MYO7B: variants seen among roughly 807,000 people sequenced by gnomAD.
The protein encoded by MYO7B is unconventional myosin-VIIb.
A neutral mutation model predicts 259.7 loss-of-function variants in MYO7B; 212 were observed. The observed-to-expected ratio is 0.82, with a 90% confidence interval of 0.73 to 0.91. MYO7B has a LOEUF of 0.91. Among genes scored for constraint, MYO7B ranks in the 40% least tolerant of loss-of-function variants. The probability of loss-of-function intolerance (pLI) is 0.00; values close to 1 mark genes in which losing one functional copy is unlikely to be tolerated. For synonymous variants in MYO7B, 1,197 were observed against 1,166.4 expected, an observed-to-expected ratio of 1.03 and a Z score of -0.54; for missense variants, 2,732 against 2,813.5, an observed-to-expected ratio of 0.97 and a Z score of 0.66.
In MYO7B at chr2:127,631,045, G is replaced by A. The variant is rs1485119517; in HGVS notation, c.4937+137G>A. 4.4e-6 allele frequency: 6 copies of A among 1,376,666 alleles called. No homozygotes were observed. The African/African-American group carries it at 8.7e-5, about 20-fold the overall frequency. 85.3% of individuals were successfully genotyped at this position (1,376,666 alleles called of 1,614,324 possible). ...TGCAGAGAGGCCACGCCACCCATGT[G>A]GAGCCTGCCTGGCCTTCCCAGGCCA... On this transcript the variant is annotated intron_variant, in intron 36 of 47. Transcript: ENST00000409816.
chr2:127,588,702 T>C, intron 15 of MYO7B, 147 bp downstream of exon 15: 1 of 956,006 alleles, frequency 1.0e-6, no homozygotes, highest in East Asian at 2.7e-5. Flanking sequence ...GATGGATGGG[T>C]GAATGGATGG....
At position 127,631,828 on chromosome 2, in the gene MYO7B, C is replaced by G. The variant is rs139268124; in HGVS notation, c.5249+75C>G. ...CGGCCCCTGAGGCCAGACCGAGGCT[C>G]AGAGAGGACACCGCAGCTGGTGGCG... On this transcript the variant is annotated intron_variant, in intron 38 of 47. Transcript: ENST00000409816. The G allele has an allele frequency of 5.0e-3, 7,701 of 1,544,588 alleles. 38 individuals are homozygous for G. Among genetic ancestry groups the G allele is most frequent in the Middle Eastern group, 0.022 (102 of 4,578 alleles).
chr2:127,538,106 G>A (rs915165364), intron 1 of MYO7B, among the ~76,000 whole-genome samples: 7 of 152,138 alleles, frequency 4.6e-5, no homozygotes, highest in African/African-American at 1.7e-4. Flanking sequence ...GTAGGGGTGG[G>A]AAGGGATGCA....
chr2:127,636,769 G>GGCCCCCCC lies in MYO7B; in HGVS notation c.6208-25_6208-24insGCCCCCCC. 1.2e-6 allele frequency: 2 copies of GGCCCCCCC among 1,608,810 alleles called. No homozygotes were observed. Among genetic ancestry groups the GGCCCCCCC allele is most frequent in the Non-Finnish European group, 1.7e-6 (2 of 1,176,310 alleles). ...AGAGCCCGTGCTCTGGAGGCGTCCG[G>GGCCCCCCC]CCCACCCACCCTCTCTGCCCCCAGG... On this transcript the variant is annotated intron_variant, in intron 46 of 47. Transcript: ENST00000409816. This position sits in a 1 kb window ranked among gnomAD's most constrained non-coding sequence, Gnocchi z 4.5.
At chr2:127,565,441 T>C (rs1220071500) in intron 4 of MYO7B, 56 bp downstream of exon 4, 12 of 1,593,944 alleles carry the variant, frequency 7.5e-6, no homozygotes, top group Non-Finnish European at 1.0e-5. Context: ...GCCAACCTCC[T>C]GGACAGGGAG....
rs1487491633 is a variant in MYO7B, at chr2:127,637,697, G to A, written c.*280G>A. On this transcript the variant is annotated 3_prime_UTR_variant, in exon 48 of 48. Transcript: ENST00000409816. ...CTCCCAACCCCACCCCACCCCACCA[G>A]AATGTTCAATAAAAACTCCTGGAGC... 1.1e-5 allele frequency: 4 copies of A among 372,530 alleles called. No homozygotes were observed. Among genetic ancestry groups the A allele is most frequent in the Admixed American group, 8.5e-5 (2 of 23,542 alleles). 23.1% of individuals were successfully genotyped at this position (372,530 alleles called of 1,614,324 possible). A position where few individuals can be genotyped will look rare whatever the true frequency, so the allele number is the denominator to read the frequency against.
chr2:127,561,125 G>C (rs1321564633), intron 2 of MYO7B, among the ~76,000 whole-genome samples: 1 of 152,136 alleles, frequency 6.6e-6, no homozygotes, highest in East Asian at 1.9e-4. Flanking sequence ...TATGCCACGG[G>C]ATGCATCAAC....
At chr2:127,598,576 T>C (rs1292167080) in intron 19 of MYO7B, among the ~76,000 whole-genome samples, 1 of 152,246 alleles carries the variant, frequency 6.6e-6, no homozygotes, top group Non-Finnish European at 1.5e-5. Context: ...GAGCAAAAGT[T>C]TTTAATCTTC....
Position 127,585,737 on chromosome 2 carries a change from A to G in MYO7B, c.1690+824A>G, listed in dbSNP as rs1679278783. Among the ~76,000 whole-genome samples, 1 of 152,176 alleles carries G rather than the reference A, an allele frequency of 6.6e-6. No individual in the cohort carries two copies. Among genetic ancestry groups the G allele is most frequent in the South Asian group, 2.1e-4 (1 of 4,828 alleles). On this transcript the variant is annotated intron_variant, in intron 14 of 47. Transcript: ENST00000409816. This position sits in a 1 kb window ranked among gnomAD's most constrained non-coding sequence, Gnocchi z 4.3. ...CCAGTTCCTCCACATCCTTGCCTAC[A>G]CATGTGATTGTCTGTCTTTGTTATT...
At position 127,565,247 on chromosome 2, in the gene MYO7B, A is replaced by G; in HGVS notation, c.147A>G (p.Arg49=). The change falls in exon 4 of 48, where the codon CGA becomes CGG. Residue 49 remains arginine (R), a synonymous_variant. Transcript: ENST00000409816. The part of the protein sequence containing the change: ...EDDEGKEHWI[R]AEDFGVLSPM... Reference sequence around the variant, plus strand: ...CATTGTTCCAGGAACACTGGATCCGAGCAGAGGACTTTGGTGTCCTCAGTC... The same window carrying G: ...CATTGTTCCAGGAACACTGGATCCGGGCAGAGGACTTTGGTGTCCTCAGTC... The G allele has an allele frequency of 1.9e-6, 3 of 1,613,820 alleles. No homozygotes were observed. In the Admixed American group the frequency reaches 5.0e-5, roughly 27 times the overall value.
chr2:127,612,406 G>T, intron 25 of MYO7B, 70 bp from the exon 26 acceptor site: 1 of 1,546,282 alleles, frequency 6.5e-7, no homozygotes. Flanking sequence ...TTCCCTCCCT[G>T]TGCACCAGTT....
At chr2:127,540,864 A>G (rs1279318463) in intron 1 of MYO7B, among the ~76,000 whole-genome samples, 1 of 152,200 alleles carries the variant, frequency 6.6e-6, no homozygotes, top group Non-Finnish European at 1.5e-5. Context: ...TACATGAAGG[A>G]CGGTGTTTCA....
chr2:127,537,491 G>T (rs1395671540), intron 1 of MYO7B, among the ~76,000 whole-genome samples: 6 of 152,194 alleles, frequency 3.9e-5, no homozygotes, highest in African/African-American at 1.4e-4. Context: ...AAGCTGTTCA[G>T]GGAGGAAGAG....
intron 43 of MYO7B, 23 bp downstream of exon 43, chr2:127,635,249 G>A (rs1438099511): frequency 1.9e-6 from 3 of 1,590,092 alleles, no homozygotes; most frequent in Non-Finnish European, 8.6e-7. Context: ...CTGCCCTGGT[G>A]GGCACTGGGG....
At chr2:127,617,926 TCCTGTCTGTC>T (rs1026391893) in intron 26 of MYO7B, among the ~76,000 whole-genome samples, 2 of 151,936 alleles carry the variant, frequency 1.3e-5, no homozygotes, top group Non-Finnish European at 2.9e-5. Context: ...CCCTATCTGT[TCCTGTCTGTC>T]CCTGCAAGTT....
intron 6 of MYO7B, among the ~76,000 whole-genome samples, chr2:127,572,688 C>G (rs1678699075): frequency 6.6e-6 from 1 of 151,598 alleles, no homozygotes; most frequent in Non-Finnish European, 1.5e-5. Flanking sequence ...GTTGACTTAC[C>G]TTTGCACCCC....
chr2:127,602,096 G>T (rs1362322553), intron 19 of MYO7B, among the ~76,000 whole-genome samples: 1 of 151,292 alleles, frequency 6.6e-6, no homozygotes, highest in South Asian at 2.1e-4. Context: ...GCCTTTCTAT[G>T]ACTTATTTAA....
At chr2:127,579,175 G>A (rs1018983977) in intron 9 of MYO7B, among the ~76,000 whole-genome samples, 8 of 152,130 alleles carry the variant, frequency 5.3e-5, no homozygotes, top group South Asian at 2.1e-4. Context: ...GGAGGACACC[G>A]TGGCAGAGGG....
At chr2:127,631,484 G>A (rs1681505252) in intron 37 of MYO7B, 116 bp from the exon 38 acceptor site, 1 of 1,520,978 alleles carries the variant, frequency 6.6e-7, no homozygotes, top group South Asian at 1.3e-5. Context: ...GAAACCTGGA[G>A]TGGCGGGACA....
Sources: allele counts gnomAD v4.1 joint callset (sites outside exome capture counted in the v4.1 genomes callset), GRCh38; gene constraint gnomAD v4.1.1; non-coding constraint Gnocchi (gnomAD v3.1); transcripts MANE v1.5; gene names NCBI Gene and HGNC (gene_info 2026-07-23, HGNC 2026-07-21).